The following LSM12 variants were observed in gnomAD, a reference collection of about 807,000 sequenced individuals.
LSM12 encodes LSM12 homolog.
For missense variants in LSM12, 108 were observed against 238.9 expected (o/e 0.45, Z 3.61); for synonymous variants, 74 against 87.3 (o/e 0.85, Z 0.85).
rs114182194 is a variant in LSM12, at chr17:44,048,341, G to A, written c.259-8085C>T. Reference sequence around the variant, plus strand: ...TACAAAAATTACAAAAATTAGCCGGGCACAGTAACATGCACCTGTAGTCCC... The same window carrying A: ...TACAAAAATTACAAAAATTAGCCGGACACAGTAACATGCACCTGTAGTCCC... On this transcript the variant is annotated intron_variant, in intron 2 of 4. Coordinates refer to ENST00000293406, the MANE Select transcript of LSM12 (RefSeq NM_001371445.1). 8.7e-3 allele frequency among the ~76,000 whole-genome samples: 1,324 copies of A among 151,948 alleles called. 18 individuals carry two copies. Among genetic ancestry groups the A allele is most frequent in the African/African-American group, 0.03 (1,244 of 41,422 alleles).
Position 44,036,118 on chromosome 17 carries a change from G to C in LSM12, c.*90C>G. The C allele has an allele frequency of 8.2e-7, 1 of 1,213,006 alleles. No individual in the cohort carries two copies. Among genetic ancestry groups the C allele is most frequent in the Non-Finnish European group, 1.2e-6 (1 of 851,068 alleles). 75.1% of individuals were successfully genotyped at this position (1,213,006 alleles called of 1,614,324 possible). On this transcript the variant is annotated 3_prime_UTR_variant, in exon 5 of 5. Transcript: ENST00000293406. ...TGTTAAGAGCCAACAGGACATATAG[G>C]ATCCCTTCCCTCCCCCGGCCTGCCT...
chr17:44,062,179 G>A (rs1476018601), intron 2 of LSM12, among the ~76,000 whole-genome samples: 5 of 131,646 alleles, frequency 3.8e-5, no homozygotes, highest in South Asian at 2.5e-4. Flanking sequence ...CTGAGATGGC[G>A]CCACTGCACT....
chr17:44,037,604 A>T (rs1167262698), intron 3 of LSM12, 66 bp from the exon 4 acceptor site: 7 of 1,503,494 alleles, frequency 4.7e-6, no homozygotes, highest in Middle Eastern at 3.5e-4. Context: ...CTGTCTGATG[A>T]ATAAATAACT....
rs1415669832 is a variant in LSM12, at chr17:44,040,664, G to A, written c.259-408C>T. Among the ~76,000 whole-genome samples the A allele has an allele frequency of 2.0e-5, 3 of 151,932 alleles. No homozygotes were observed. The East Asian group carries it at 5.8e-4, about 29-fold the overall frequency. On this transcript the variant is annotated intron_variant, in intron 2 of 4. Coordinates refer to ENST00000293406, the MANE Select transcript of LSM12 (RefSeq NM_001371445.1). ...GGGGACTATGTGATGGCAAATGATG[G>A]TCAGAGATTTAAAAATATATACATT...
intron 2 of LSM12, among the ~76,000 whole-genome samples, chr17:44,050,858 G>A (rs1416674109): frequency 6.6e-6 from 1 of 152,190 alleles, no homozygotes; most frequent in Admixed American, 6.5e-5. Flanking sequence ...TTCCTGGACA[G>A]GCATGGTAGC....
chr17:44,066,449 C>G lies in LSM12; in HGVS notation c.124+15G>C, dbSNP rs758960598. On this transcript the variant is annotated intron_variant, in intron 1 of 4. Coordinates refer to ENST00000293406, the MANE Select transcript of LSM12 (RefSeq NM_001371445.1). ...CACGCCGGCCCGGACTCGGGCTTCA[C>G]GCAGGGAAGGATACTTAAAGCCAGC... is the stretch of plus-strand genomic sequence containing the variant. The G allele has an allele frequency of 1.6e-4, 246 of 1,555,464 alleles. 5 individuals are homozygous for G. In the South Asian group the frequency reaches 1.6e-3, roughly 10 times the overall value.
intron 1 of LSM12, 116 bp downstream of exon 1, chr17:44,066,348 G>C: frequency 3.0e-6 from 4 of 1,347,698 alleles, no homozygotes; most frequent in Non-Finnish European, 3.9e-6. Context: ...CGGGCGCCGC[G>C]GTAGCCGGTC....
intron 2 of LSM12, among the ~76,000 whole-genome samples, chr17:44,045,999 C>T (rs1459099336): frequency 1.4e-5 from 2 of 144,424 alleles, no homozygotes; most frequent in Non-Finnish European, 3.0e-5. Context: ...TGCAGTGGCG[C>T]GATCTTGGCT....
chr17:44,052,288 G>T (rs1458529971), intron 2 of LSM12, among the ~76,000 whole-genome samples: 1 of 150,412 alleles, frequency 6.6e-6, no homozygotes, highest in African/African-American at 2.4e-5. Context: ...CCCAGCCTGG[G>T]CAACACAGTG....
At chr17:44,045,755 TAG>T (rs1261964808) in intron 2 of LSM12, among the ~76,000 whole-genome samples, 1 of 151,396 alleles carries the variant, frequency 6.6e-6, no homozygotes, top group Non-Finnish European at 1.5e-5. Flanking sequence ...TATTTTTTTG[TAG>T]AGACAGGGTT....
At chr17:44,059,162 A>G (rs1037574361) in intron 2 of LSM12, among the ~76,000 whole-genome samples, 6 of 152,034 alleles carry the variant, frequency 3.9e-5, no homozygotes, top group African/African-American at 9.7e-5. Context: ...GAATGAGACT[A>G]TATCTCTAAA....
chr17:44,041,256 G>A (rs1355574237), intron 2 of LSM12, among the ~76,000 whole-genome samples: 2 of 111,836 alleles, frequency 1.8e-5, no homozygotes, highest in African/African-American at 6.6e-5. Flanking sequence ...GGGCAAAGAA[G>A]TGAGACTCTG....
At chr17:44,041,654 A>T (rs1244370034) in intron 2 of LSM12, among the ~76,000 whole-genome samples, 1 of 152,160 alleles carries the variant, frequency 6.6e-6, no homozygotes, top group Non-Finnish European at 1.5e-5. Flanking sequence ...AACTGATCAA[A>T]AGAAAATCTA....
At chr17:44,036,340 C>CG (rs1567953761) in intron 4 of LSM12, 40 bp from the exon 5 acceptor site, 2 of 1,612,266 alleles carry the variant, frequency 1.2e-6, no homozygotes, top group Admixed American at 3.3e-5. Flanking sequence ...AAAGGAGATG[C>CG]GGAAGAAAGG....
At chr17:44,043,513 G>A (rs903450625) in intron 2 of LSM12, among the ~76,000 whole-genome samples, 1 of 149,234 alleles carries the variant, frequency 6.7e-6, no homozygotes, top group African/African-American at 2.5e-5. Context: ...GCTTACTCAA[G>A]CACCAAAAAA....
In LSM12 at chr17:44,066,604, C is replaced by T. The variant is rs1406235094; in HGVS notation, c.-17G>A. The T allele has an allele frequency of 7.4e-7, 1 of 1,344,128 alleles. No individual in the cohort carries two copies. Among genetic ancestry groups the T allele is most frequent in the Non-Finnish European group, 9.6e-7 (1 of 1,044,146 alleles). The allele number at this position is 1,344,128 out of a possible 1,614,324, so 83.3% of individuals were successfully genotyped here. ...AGCCGCCATCTTGGGAGTGCAGCCG[C>T]GGCCGGCGGCGGCGGCGGCAGCAGC... is the stretch of plus-strand genomic sequence containing the variant. On this transcript the variant is annotated 5_prime_UTR_variant, in exon 1 of 5. Transcript: ENST00000293406.
chr17:44,039,502 C>T (rs576112225), intron 3 of LSM12, among the ~76,000 whole-genome samples: 4 of 150,772 alleles, frequency 2.7e-5, no homozygotes, highest in Non-Finnish European at 5.9e-5. Flanking sequence ...CTGCCTCAGC[C>T]TCCCGAGTAG....
intron 2 of LSM12, among the ~76,000 whole-genome samples, chr17:44,047,448 C>T (rs532564845): frequency 1.5e-4 from 22 of 151,604 alleles, no homozygotes; most frequent in East Asian, 1.4e-3. Context: ...GGTTTCACCA[C>T]GTTGGCCAGG....
In LSM12 at chr17:44,066,077, TC is replaced by T. The variant is rs1412763455; in HGVS notation, c.124+386del. ...AGCAGTTCCTTACCCTAAACACCCC[TC>T]CCCATAATATTTCACCCGCCCCTCC... On this transcript the variant is annotated intron_variant, in intron 1 of 4. Coordinates refer to ENST00000293406, the MANE Select transcript of LSM12 (RefSeq NM_001371445.1). Among the ~76,000 whole-genome samples, 22 of 149,272 alleles carry T rather than the reference TC, an allele frequency of 1.5e-4. No individual in the cohort carries two copies. The East Asian group carries it at 3.8e-3, about 26-fold the overall frequency.
Sources: gnomAD v4.1 joint callset for allele counts (sites outside exome capture counted in the v4.1 genomes callset) on GRCh38, gnomAD v4.1.1 for gene constraint, MANE v1.5 for transcripts, NCBI Gene and HGNC (gene_info 2026-07-23, HGNC 2026-07-21) for gene names.